TBL1XR1: variants seen among roughly 807,000 people sequenced by gnomAD.
TBL1XR1 encodes TBL1X/Y related 1.
TBL1XR1 carries 5 observed loss-of-function variants against 66.9 expected under a neutral mutation model. The observed-to-expected ratio is 0.07, with a 90% CI of 0.04 to 0.16. The LOEUF is 0.16. Among genes scored for constraint, TBL1XR1 ranks in the 10% least tolerant of loss-of-function variants. The pLI is 1.00. For missense variants in TBL1XR1, 238 were observed against 623.2 expected (o/e 0.38, Z 6.58); for synonymous variants, 210 against 206.0 (o/e 1.02, Z -0.17).
intron 1 of TBL1XR1, among the ~76,000 whole-genome samples, chr3:177,139,288 G>A (rs939792494): frequency 5.3e-5 from 8 of 152,106 alleles, no homozygotes; most frequent in African/African-American, 1.2e-4. Context: ...TTGGGAGGCC[G>A]AGGCAGGCAG....
intron 1 of TBL1XR1, among the ~76,000 whole-genome samples, chr3:177,168,691 C>A (rs552565930): frequency 3.2e-4 from 48 of 152,312 alleles, no homozygotes; most frequent in Non-Finnish European, 6.5e-4. Flanking sequence ...CTGAACTTTT[C>A]TCTCTCTACA....
intron 1 of TBL1XR1, among the ~76,000 whole-genome samples, chr3:177,196,027 G>C (rs1183828415): frequency 1.3e-5 from 2 of 151,986 alleles, no homozygotes; most frequent in Non-Finnish European, 2.9e-5. Flanking sequence ...AACAAAGAGA[G>C]CATTTTTTAA....
At chr3:177,090,398 AC>A (rs145849295) in intron 2 of TBL1XR1, among the ~76,000 whole-genome samples, 11,301 of 151,986 alleles carry the variant, frequency 0.074, 510 homozygotes, top group Admixed American at 0.15. Flanking sequence ...ATTGGCCTGG[AC>A]CCAGCATAGT....
chr3:177,193,283 G>A (rs576763698), intron 1 of TBL1XR1, among the ~76,000 whole-genome samples: 2 of 152,196 alleles, frequency 1.3e-5, no homozygotes, highest in African/African-American at 4.8e-5. Flanking sequence ...ACAACACAAA[G>A]ACTTCAATGA....
chr3:177,075,284 C>T (rs374974340), intron 2 of TBL1XR1, among the ~76,000 whole-genome samples: 62 of 152,226 alleles, frequency 4.1e-4, no homozygotes, highest in African/African-American at 1.4e-3. Context: ...TGAGTCTTTA[C>T]GTGGCATTCT....
intron 1 of TBL1XR1, among the ~76,000 whole-genome samples, chr3:177,173,418 A>G (rs1733797096): frequency 6.6e-6 from 1 of 152,210 alleles, no homozygotes; most frequent in African/African-American, 2.4e-5. Context: ...AAGAGACAAG[A>G]TTAACATCAC....
chr3:177,036,717 T>C (rs1201829196), intron 12 of TBL1XR1, among the ~76,000 whole-genome samples: 1 of 152,202 alleles, frequency 6.6e-6, no homozygotes, highest in Admixed American at 6.5e-5. Flanking sequence ...TAAGAAGAAC[T>C]GTCTAAAAAC....
intron 1 of TBL1XR1, among the ~76,000 whole-genome samples, chr3:177,108,527 T>C (rs974426881): frequency 6.6e-6 from 1 of 152,220 alleles, no homozygotes; most frequent in Non-Finnish European, 1.5e-5. Flanking sequence ...ACATAGTGTT[T>C]GGCTTATTGT....
chr3:177,108,455 G>A (rs1271664544), intron 1 of TBL1XR1, among the ~76,000 whole-genome samples: 2 of 152,140 alleles, frequency 1.3e-5, no homozygotes, highest in African/African-American at 2.4e-5. Context: ...CCATACAACT[G>A]TAAGCAAGCC....
chr3:177,066,524 T>C (rs1440048767), intron 2 of TBL1XR1, among the ~76,000 whole-genome samples: 2 of 152,088 alleles, frequency 1.3e-5, no homozygotes, highest in Admixed American at 6.5e-5. Flanking sequence ...GCAGAAACTA[T>C]ATTCAGGAGG....
chr3:177,198,401 T>C (rs1207151191), upstream of TBL1XR1, among the ~76,000 whole-genome samples: 1 of 152,224 alleles, frequency 6.6e-6, no homozygotes, highest in East Asian at 1.9e-4. Flanking sequence ...TTACTAAATA[T>C]ATACCTGCAC....
chr3:177,105,043 G>C (rs1724702649), intron 1 of TBL1XR1, among the ~76,000 whole-genome samples: 1 of 152,168 alleles, frequency 6.6e-6, no homozygotes, highest in Admixed American at 6.5e-5. Context: ...TGCATCAAAA[G>C]CTTCCGGTTC....
intron 1 of TBL1XR1, among the ~76,000 whole-genome samples, chr3:177,118,642 T>A (rs1329422712): frequency 6.6e-6 from 1 of 152,222 alleles, no homozygotes. Flanking sequence ...TAGTTCTTCA[T>A]TCATTTAATA....
chr3:177,192,022 G>A (rs1222437296), intron 1 of TBL1XR1, among the ~76,000 whole-genome samples: 3 of 151,480 alleles, frequency 2.0e-5, no homozygotes, highest in East Asian at 2.0e-4. Context: ...GAACCCGGGA[G>A]GCAGAGGTTG....
chr3:177,156,560 T>TAC (rs1278517597), intron 1 of TBL1XR1, among the ~76,000 whole-genome samples: 10 of 149,482 alleles, frequency 6.7e-5, no homozygotes, highest in African/African-American at 2.5e-4. Flanking sequence ...TATATATATA[T>TAC]ACACACACAT....
upstream of TBL1XR1, among the ~76,000 whole-genome samples, chr3:177,199,411 GATATCACTAA>G (rs1323049897): frequency 2.0e-5 from 3 of 149,790 alleles, no homozygotes; most frequent in African/African-American, 7.4e-5. Flanking sequence ...AAATGACGTA[GATATCACTAA>G]ACATACCCTG....
intron 2 of TBL1XR1, among the ~76,000 whole-genome samples, chr3:177,080,632 T>A (rs1019178911): frequency 1.3e-5 from 2 of 151,924 alleles, no homozygotes; most frequent in East Asian, 3.8e-4. Context: ...AAAATATATA[T>A]TTTTTTTCAG....
At chr3:177,037,546 A>G (rs1218845296) in intron 12 of TBL1XR1, 2 of 152,796 alleles carry the variant, frequency 1.3e-5, no homozygotes, top group African/African-American at 4.8e-5. Context: ...GGCTCTAAAC[A>G]GAACAAAACC....
rs1328282120 is a variant in TBL1XR1, at chr3:177,022,744, G to A, written c.*2754C>T. On this transcript the variant is annotated 3_prime_UTR_variant, in exon 16 of 16. Transcript: ENST00000457928. ...AGAACTTTACAAGCTGTGAAACTTG[G>A]TCTCTTGCAATCATGTTACTGCTCA... The A allele has an allele frequency of 6.6e-6, 1 of 152,442 alleles. No individual in the cohort carries two copies. Among genetic ancestry groups the A allele is most frequent in the East Asian group, 1.9e-4 (1 of 5,196 alleles). 9.4% of individuals were successfully genotyped at this position (152,442 alleles called of 1,614,324 possible).
Sources: gnomAD v4.1 joint callset for allele counts (sites outside exome capture counted in the v4.1 genomes callset) on GRCh38, gnomAD v4.1.1 for gene constraint, MANE v1.5 for transcripts, NCBI Gene and HGNC (gene_info 2026-07-23, HGNC 2026-07-21) for gene names.